TMEM218: variants seen among roughly 807,000 people sequenced by gnomAD.
TMEM218 encodes transmembrane protein 218.
TMEM218 carries 8 observed loss-of-function variants against 10.0 expected under a neutral mutation model. The ratio of observed to expected loss-of-function variants is 0.80; its 90% CI spans 0.47 to 1.44. The LOEUF is 1.44. TMEM218 is among the 40% of genes most tolerant of loss of function. TMEM218 has a pLI of 0.00. For missense variants in TMEM218, 110 were observed against 140.1 expected (o/e 0.79, Z 1.08); for synonymous variants, 66 against 63.5 (o/e 1.04, Z -0.18).
intron 4 of TMEM218, among the ~76,000 whole-genome samples, chr11:125,098,227 G>C (rs1208942566): frequency 1.3e-5 from 2 of 152,156 alleles, no homozygotes; most frequent in Non-Finnish European, 2.9e-5. Flanking sequence ...CAAAATGAAA[G>C]GTGACTCTTT....
Position 125,095,710 on chromosome 11 carries a change from C to T in TMEM218, c.*1896G>A, listed in dbSNP as rs1383689359. 1.3e-5 allele frequency among the ~76,000 whole-genome samples: 2 copies of T among 150,514 alleles called. No homozygotes were observed. Among genetic ancestry groups the T allele is most frequent in the African/African-American group, 4.9e-5 (2 of 40,772 alleles). ...AGGCAAAAAAACAAAAATTAGAAAA[C>T]AGTAGTATTAAGGATAGAATTTAGT... is the stretch of plus-strand genomic sequence containing the variant. On this transcript the variant is annotated 3_prime_UTR_variant, in exon 5 of 5. Coordinates refer to ENST00000682305, the MANE Select transcript of TMEM218 (RefSeq NM_001258244.2).
chr11:125,096,530 C>G lies in TMEM218; in HGVS notation c.*1076G>C, dbSNP rs139738685. The G allele has an allele frequency of 1.1e-4, 17 of 152,182 alleles. No individual in the cohort carries two copies. The highest frequency in any genetic ancestry group is 2.1e-4 in the Non-Finnish European group (14 of 67,998). 9.4% of individuals were successfully genotyped at this position (152,182 alleles called of 1,614,324 possible). A position where few individuals can be genotyped will look rare whatever the true frequency, so the allele number is the denominator to read the frequency against. ...AAAGTGGGGATGATAAAAATGAGACCGTTGTAAAAATTAAATAAATTAAAC... is the reference window on the plus strand; with the variant it reads ...AAAGTGGGGATGATAAAAATGAGACGGTTGTAAAAATTAAATAAATTAAAC... On this transcript the variant is annotated 3_prime_UTR_variant, in exon 5 of 5. Transcript: ENST00000682305.
chr11:125,108,752 T>C lies in TMEM218; in HGVS notation c.-153+2787A>G, dbSNP rs1952900765. On this transcript the variant is annotated intron_variant, in intron 1 of 4. Transcript: ENST00000682305. This position sits in a 1 kb window ranked among gnomAD's most constrained non-coding sequence, Gnocchi z 5.3. ...TGTGCCAAAAAATACATTATGTTTA[T>C]ACAAAAACCGGAGTTAGGCTCTACA... 6.6e-6 allele frequency among the ~76,000 whole-genome samples: 1 copy of C among 152,204 alleles called. No homozygotes were observed. Among genetic ancestry groups the C allele is most frequent in the African/African-American group, 2.4e-5 (1 of 41,448 alleles).
intron 1 of TMEM218, among the ~76,000 whole-genome samples, chr11:125,109,301 G>A (rs1169025533): frequency 5.9e-5 from 9 of 151,976 alleles, no homozygotes; most frequent in African/African-American, 1.2e-4. Flanking sequence ...TGTTTCTGAC[G>A]AACGTATATA....
chr11:125,100,041 T>A (rs562472005), intron 4 of TMEM218, among the ~76,000 whole-genome samples: 110 of 151,720 alleles, frequency 7.3e-4, no homozygotes, highest in African/African-American at 2.6e-3. Flanking sequence ...TCCATGGAAA[T>A]AATTCCTTAA....
chr11:125,106,851 G>A (rs1209326043), intron 1 of TMEM218, among the ~76,000 whole-genome samples: 2 of 152,074 alleles, frequency 1.3e-5, no homozygotes, highest in African/African-American at 4.8e-5. Flanking sequence ...CAACAGAAAC[G>A]CACACCTAAA....
At chr11:125,111,186 T>C (rs1953908007) in intron 1 of TMEM218, among the ~76,000 whole-genome samples, 1 of 152,142 alleles carries the variant, frequency 6.6e-6, no homozygotes. Flanking sequence ...AACTCTAAGC[T>C]TCTCCCCAAC....
At position 125,108,887 on chromosome 11, in the gene TMEM218, C is replaced by T. The variant is rs565533210; in HGVS notation, c.-153+2652G>A. Reference sequence around the variant, plus strand: ...CATACATTACAGAACATCCAGTATCCGCAGTCCTGATCTGTAAACCCCAGT... The same window carrying T: ...CATACATTACAGAACATCCAGTATCTGCAGTCCTGATCTGTAAACCCCAGT... On this transcript the variant is annotated intron_variant, in intron 1 of 4. Transcript: ENST00000682305. The surrounding 1 kb of genome is among the most constrained non-coding windows in gnomAD (Gnocchi z 5.3). 4.6e-5 allele frequency among the ~76,000 whole-genome samples: 7 copies of T among 152,278 alleles called. No homozygotes were observed. Among genetic ancestry groups the T allele is most frequent in the South Asian group, 2.1e-4 (1 of 4,824 alleles).
Position 125,097,083 on chromosome 11 carries a change from C to A in TMEM218, c.*523G>T, listed in dbSNP as rs1201328497. ...GAGCAGAGGGAAGTGACACTCATTG[C>A]CTTCACAGAGCTCTGCAGAAATATA... On this transcript the variant is annotated 3_prime_UTR_variant, in exon 5 of 5. Transcript: ENST00000682305. 6.6e-6 allele frequency: 1 copy of A among 152,218 alleles called. No individual in the cohort carries two copies. The highest frequency in any genetic ancestry group is 1.9e-4 in the East Asian group (1 of 5,204). The allele number at this position is 152,218 out of a possible 1,614,324, so 9.4% of individuals were successfully genotyped here.
rs1255097490 is a variant in TMEM218, at chr11:125,102,779, TTC to T, written c.-124_-123del. The stretch of plus-strand genomic sequence containing the variant: ...AGAAAGTTCCCACTCTGTTGTCGAG[TTC>T]TTATTCAAGAGGATGAAAACTCCCA... On this transcript the variant is annotated 5_prime_UTR_variant, in exon 2 of 5. Coordinates refer to ENST00000682305, the MANE Select transcript of TMEM218 (RefSeq NM_001258244.2). The T allele has an allele frequency of 8.3e-7, 1 of 1,211,970 alleles. No homozygotes were observed. The highest frequency in any genetic ancestry group is 1.6e-5 in the African/African-American group (1 of 62,606). 75.1% of individuals were successfully genotyped at this position (1,211,970 alleles called of 1,614,324 possible). A position where few individuals can be genotyped will look rare whatever the true frequency, so the allele number is the denominator to read the frequency against.
chr11:125,107,319 T>C (rs1407898365), intron 1 of TMEM218, among the ~76,000 whole-genome samples: 1 of 152,168 alleles, frequency 6.6e-6, no homozygotes, highest in Non-Finnish European at 1.5e-5. Context: ...TTATATACTT[T>C]TCTGTATGTG....
intron 3 of TMEM218, chr11:125,101,589 C>T (rs1361423298): frequency 1.9e-6 from 2 of 1,040,848 alleles, no homozygotes; most frequent in African/African-American, 1.6e-5. Flanking sequence ...AAAACCAAAG[C>T]ATCCCCTCTC....
intron 1 of TMEM218, among the ~76,000 whole-genome samples, chr11:125,109,160 A>T (rs1953018785): frequency 6.6e-6 from 1 of 152,250 alleles, no homozygotes; most frequent in Admixed American, 6.5e-5. Flanking sequence ...AATGAAATTG[A>T]TCTATATGTA....
At chr11:125,109,859 G>A (rs1236043995) in intron 1 of TMEM218, among the ~76,000 whole-genome samples, 3 of 152,252 alleles carry the variant, frequency 2.0e-5, no homozygotes, top group African/African-American at 7.2e-5. Context: ...AGAATAGAGG[G>A]CAAATGGTAG....
At chr11:125,106,525 A>G (rs1379472443) in intron 1 of TMEM218, among the ~76,000 whole-genome samples, 1 of 152,354 alleles carries the variant, frequency 6.6e-6, no homozygotes, top group East Asian at 1.9e-4. Context: ...CAAGCAGATA[A>G]AAAAAGAATA....
chr11:125,097,811 T>C, intron 4 of TMEM218, 71 bp from the exon 5 acceptor site: 1 of 1,484,182 alleles, frequency 6.7e-7, no homozygotes, highest in Non-Finnish European at 9.2e-7. Flanking sequence ...CTGAACTCCA[T>C]GATGAGTGGG....
chr11:125,102,250 G>A lies in TMEM218; in HGVS notation c.-9C>T, dbSNP rs1259681688. Reference sequence around the variant, plus strand: ...AGCACAGTGCCAGCCATCCCGCGGGGAGGCAGCGGCGGCCCCCCGCCCTGC... The same window carrying A: ...AGCACAGTGCCAGCCATCCCGCGGGAAGGCAGCGGCGGCCCCCCGCCCTGC... On this transcript the variant is annotated 5_prime_UTR_variant, in exon 3 of 5. Transcript: ENST00000682305. 1 of 1,611,814 alleles carries A rather than the reference G, an allele frequency of 6.2e-7. No homozygotes were observed. Among genetic ancestry groups the A allele is most frequent in the Non-Finnish European group, 8.5e-7 (1 of 1,179,090 alleles).
rs1949452460 is a variant in TMEM218, at chr11:125,095,011, T to G, written c.*2595A>C. Among the ~76,000 whole-genome samples, 1 of 152,214 alleles carries G rather than the reference T, an allele frequency of 6.6e-6. No individual in the cohort carries two copies. The highest frequency in any genetic ancestry group is 1.5e-5 in the Non-Finnish European group (1 of 68,028). On this transcript the variant is annotated 3_prime_UTR_variant, in exon 5 of 5. Transcript: ENST00000682305. ...TTCTGATGCAGTTTTACATTAAATT[T>G]ACATTGTACACAAAGAATGGTAGCT...
At chr11:125,105,452 C>T (rs939312671) in intron 1 of TMEM218, among the ~76,000 whole-genome samples, 2 of 152,090 alleles carry the variant, frequency 1.3e-5, no homozygotes, top group African/African-American at 4.8e-5. Flanking sequence ...AGACATACTT[C>T]AGCAAGAAGG....
Sources: gnomAD v4.1 joint callset for allele counts (sites outside exome capture counted in the v4.1 genomes callset) on GRCh38, gnomAD v4.1.1 for gene constraint, Gnocchi (gnomAD v3.1) non-coding constraint, MANE v1.5 for transcripts, NCBI Gene and HGNC (gene_info 2026-07-23, HGNC 2026-07-21) for gene names.